ARMH3: variants seen among roughly 807,000 people sequenced by gnomAD.
ARMH3 encodes armadillo-like helical domain-containing protein 3.
A neutral mutation model predicts 99.1 loss-of-function variants in ARMH3; 60 were observed. The ratio of observed to expected loss-of-function variants is 0.61; its 90% CI spans 0.49 to 0.75. The LOEUF is 0.75. ARMH3 is among the 30% of genes least tolerant of loss of function. The probability of loss-of-function intolerance (pLI) is 0.00; values close to 1 mark genes in which losing one functional copy is unlikely to be tolerated. For synonymous variants in ARMH3, 285 were observed against 292.8 expected (o/e 0.97, Z 0.27); for missense variants, 679 against 843.1 (o/e 0.81, Z 2.41).
rs138751059 is a variant in ARMH3, at chr10:101,872,444, C to T, written c.1860+16968G>A. ...GGGCACAGTGGCTCATGTCTGTAATCCCAGCACTTTGGGAGGCCAAGGTGG... is the reference window on the plus strand; with the variant it reads ...GGGCACAGTGGCTCATGTCTGTAATTCCAGCACTTTGGGAGGCCAAGGTGG... On this transcript the variant is annotated intron_variant, in intron 24 of 25. Transcript: ENST00000370033. Among the ~76,000 whole-genome samples, 373 of 152,226 alleles carry T rather than the reference C, an allele frequency of 2.5e-3. 1 individual carries two copies. The highest frequency in any genetic ancestry group is 8.6e-3 in the African/African-American group (357 of 41,558).
intron 21 of ARMH3, among the ~76,000 whole-genome samples, chr10:101,956,932 A>G (rs1845067460): frequency 6.6e-6 from 1 of 152,200 alleles, no homozygotes; most frequent in African/African-American, 2.4e-5. Context: ...AATGAAAGTA[A>G]TAAATATTAA....
intron 10 of ARMH3, 40 bp downstream of exon 10, chr10:102,012,793 G>A: frequency 6.4e-7 from 1 of 1,570,938 alleles, no homozygotes; most frequent in Non-Finnish European, 8.7e-7. Context: ...CAATTCAAAT[G>A]AAAATCAGAC....
chr10:101,943,835 T>C (rs994947131), intron 22 of ARMH3, among the ~76,000 whole-genome samples: 1 of 149,816 alleles, frequency 6.7e-6, no homozygotes, highest in Non-Finnish European at 1.5e-5. Context: ...GAGGCCGAGG[T>C]GGGTGGATCA....
chr10:101,924,364 C>CT (rs1256731819), intron 23 of ARMH3, among the ~76,000 whole-genome samples: 5,421 of 138,932 alleles, frequency 0.039, 149 homozygotes, highest in Non-Finnish European at 0.061. Context: ...TTCTGCATTG[C>CT]TTTTTTTTTT....
intron 1 of ARMH3, among the ~76,000 whole-genome samples, chr10:102,049,520 G>A (rs1249248798): frequency 6.6e-6 from 1 of 151,370 alleles, no homozygotes; most frequent in East Asian, 1.9e-4. Flanking sequence ...CCAGCCTGGG[G>A]GATAGAGCGA....
At chr10:101,959,834 C>T (rs1485263246) in intron 20 of ARMH3, among the ~76,000 whole-genome samples, 31 of 152,156 alleles carry the variant, frequency 2.0e-4, no homozygotes, top group Non-Finnish European at 2.2e-4. Flanking sequence ...AAATGCAGGT[C>T]AGATATTCTG....
intron 24 of ARMH3, among the ~76,000 whole-genome samples, chr10:101,886,272 G>A (rs1045048324): frequency 1.3e-5 from 2 of 151,964 alleles, no homozygotes; most frequent in Non-Finnish European, 2.9e-5. Flanking sequence ...CCAGCACTTT[G>A]GGAGGCTAAA....
intron 23 of ARMH3, among the ~76,000 whole-genome samples, chr10:101,897,551 A>G (rs1028298978): frequency 1.3e-5 from 2 of 152,150 alleles, no homozygotes; most frequent in Admixed American, 1.3e-4. Context: ...TCCTTTTTTA[A>G]GTAATCTAAT....
At chr10:101,944,534 C>CCAGG (rs1196028202) in intron 22 of ARMH3, among the ~76,000 whole-genome samples, 1 of 151,918 alleles carries the variant, frequency 6.6e-6, no homozygotes, top group Non-Finnish European at 1.5e-5. Context: ...CATTCAGAGG[C>CCAGG]CAGGCATGGT....
intron 2 of ARMH3, among the ~76,000 whole-genome samples, chr10:102,038,426 T>A (rs2067331168): frequency 6.6e-6 from 1 of 152,120 alleles, no homozygotes; most frequent in African/African-American, 2.4e-5. Flanking sequence ...AGCACCTACT[T>A]ATTTTCTCTG....
At chr10:102,055,424 T>C (rs2067820842) in intron 1 of ARMH3, among the ~76,000 whole-genome samples, 1 of 152,186 alleles carries the variant, frequency 6.6e-6, no homozygotes, top group African/African-American at 2.4e-5. Flanking sequence ...TGCTTCCCCA[T>C]TCGCCAGGGG....
chr10:101,953,303 G>C (rs974793467), intron 22 of ARMH3, among the ~76,000 whole-genome samples: 3 of 152,094 alleles, frequency 2.0e-5, no homozygotes, highest in African/African-American at 4.8e-5. Context: ...ATAAATTTTT[G>C]TATCTTTGGT....
chr10:102,047,738 T>C (rs987368180), intron 1 of ARMH3, among the ~76,000 whole-genome samples: 6 of 152,140 alleles, frequency 3.9e-5, no homozygotes, highest in African/African-American at 1.4e-4. Flanking sequence ...ATCTGCCCAC[T>C]TGGCCTCCCA....
At chr10:101,991,887 C>A in intron 18 of ARMH3, 82 bp downstream of exon 18, 1 of 1,265,694 alleles carries the variant, frequency 7.9e-7, no homozygotes, top group South Asian at 1.3e-5. Context: ...AGAAGCACAT[C>A]AAACAGGTTC....
intron 23 of ARMH3, among the ~76,000 whole-genome samples, chr10:101,906,797 C>T (rs1361582118): frequency 2.0e-5 from 3 of 152,156 alleles, no homozygotes; most frequent in Admixed American, 2.0e-4. Flanking sequence ...AGAGGCAAGA[C>T]CATGCTGGTA....
chr10:102,053,200 A>C (rs1291139040), intron 1 of ARMH3, among the ~76,000 whole-genome samples: 2 of 148,872 alleles, frequency 1.3e-5, no homozygotes, highest in Non-Finnish European at 3.0e-5. Context: ...ACTTAAAAAA[A>C]ACTCCTCAGA....
intron 5 of ARMH3, among the ~76,000 whole-genome samples, chr10:102,026,433 T>C (rs2067003070): frequency 6.6e-6 from 1 of 152,152 alleles, no homozygotes; most frequent in Admixed American, 6.6e-5. Flanking sequence ...GTTACTATGA[T>C]GGAAATATAC....
chr10:101,914,864 C>CAAAAAAAAAA (rs373264871), intron 23 of ARMH3, among the ~76,000 whole-genome samples: 1 of 66,600 alleles, frequency 1.5e-5, no homozygotes, highest in Admixed American at 2.1e-4. Context: ...AAATCCATCT[C>CAAAAAAAAAA]AAAAAAAAAA....
intron 5 of ARMH3, among the ~76,000 whole-genome samples, chr10:102,029,047 G>C (rs2067064246): frequency 6.6e-6 from 1 of 152,020 alleles, no homozygotes; most frequent in Admixed American, 6.6e-5. Context: ...GATAATTTTT[G>C]TATTTTTTGT....
Sources: gnomAD v4.1 joint callset for allele counts (sites outside exome capture counted in the v4.1 genomes callset) on GRCh38, gnomAD v4.1.1 for gene constraint, MANE v1.5 for transcripts, NCBI Gene and HGNC (gene_info 2026-07-23, HGNC 2026-07-21) for gene names.